The following TASP1 variants were observed in gnomAD, a reference collection of about 807,000 sequenced individuals.
The protein encoded by TASP1 is threonine aspartase 1.
A neutral mutation model predicts 56.6 loss-of-function variants in TASP1; 16 were observed. The ratio of observed to expected loss-of-function variants is 0.28; its 90% CI spans 0.19 to 0.43. The LOEUF (loss-of-function observed/expected upper bound fraction) is 0.43. Among genes scored for constraint, TASP1 ranks in the 20% least tolerant of loss-of-function variants. TASP1 has a pLI of 1.00. For synonymous variants in TASP1, 179 were observed against 184.2 expected (o/e 0.97, Z 0.23); for missense variants, 393 against 511.6 (o/e 0.77, Z 2.24).
chr20:13,516,980 G>T (rs1489913055), intron 10 of TASP1, among the ~76,000 whole-genome samples: 1 of 151,936 alleles, frequency 6.6e-6, no homozygotes, highest in Non-Finnish European at 1.5e-5. Flanking sequence ...TGAGATTTGG[G>T]GAGAGAAAGG....
At chr20:13,515,667 T>G (rs1357504069) in intron 10 of TASP1, among the ~76,000 whole-genome samples, 4 of 151,852 alleles carry the variant, frequency 2.6e-5, no homozygotes, top group Non-Finnish European at 4.4e-5. Context: ...CACCTTACAC[T>G]GACAATGTCC....
chr20:13,586,911 A>T (rs1232233464), intron 5 of TASP1, among the ~76,000 whole-genome samples: 1 of 152,170 alleles, frequency 6.6e-6, no homozygotes, highest in African/African-American at 2.4e-5. Context: ...GAAATGAGAA[A>T]GAAAAGATCT....
chr20:13,474,852 A>G (rs2044662470), intron 11 of TASP1, among the ~76,000 whole-genome samples: 2 of 152,084 alleles, frequency 1.3e-5, no homozygotes, highest in Non-Finnish European at 2.9e-5. Context: ...GTGGTAACTC[A>G]CTGTGGTTTT....
At chr20:13,118,287 C>CA in the TASP1 span, among the ~76,000 whole-genome samples, 2 of 150,954 alleles carry the variant, frequency 1.3e-5, no homozygotes, top group Admixed American at 6.6e-5. Flanking sequence ...ATATTCTCTG[C>CA]AAAAAAAATT....
chr20:13,137,953 C>G, the TASP1 span, among the ~76,000 whole-genome samples: 1 of 152,162 alleles, frequency 6.6e-6, no homozygotes, highest in Non-Finnish European at 1.5e-5. Context: ...AGAGCCAAAA[C>G]TTGAGACAAA....
At chr20:13,222,190 G>A in the TASP1 span, among the ~76,000 whole-genome samples, 3 of 152,176 alleles carry the variant, frequency 2.0e-5, no homozygotes, top group Non-Finnish European at 2.9e-5. Context: ...GAGGTGGGAA[G>A]GAGCGAGGTT....
chr20:13,312,600 T>C, the TASP1 span, among the ~76,000 whole-genome samples: 1 of 152,166 alleles, frequency 6.6e-6, no homozygotes, highest in Non-Finnish European at 1.5e-5. Context: ...GCCTGCTGAA[T>C]CACACCTTCC....
chr20:13,259,280 C>CAAA, the TASP1 span, among the ~76,000 whole-genome samples: 1 of 116,620 alleles, frequency 8.6e-6, no homozygotes, highest in African/African-American at 3.3e-5. Context: ...GACTCTGTCT[C>CAAA]AAAAAAAAAA....
chr20:13,255,876 A>G, the TASP1 span, among the ~76,000 whole-genome samples: 2,096 of 151,546 alleles, frequency 0.014, 35 homozygotes, highest in African/African-American at 0.036. Context: ...CATTCAGCCC[A>G]CCAACCAGCC....
intron 10 of TASP1, among the ~76,000 whole-genome samples, chr20:13,500,671 A>G (rs1366005399): frequency 6.6e-6 from 1 of 152,066 alleles, no homozygotes; most frequent in Non-Finnish European, 1.5e-5. Context: ...AAGACAGCAA[A>G]CAAAAGGATC....
chr20:13,399,003 T>C (rs897487570), intron 13 of TASP1, among the ~76,000 whole-genome samples: 3 of 152,208 alleles, frequency 2.0e-5, no homozygotes, highest in Admixed American at 6.5e-5. Flanking sequence ...AAATAAGAAA[T>C]GACTTCCAAT....
At chr20:13,112,776 G>A in the TASP1 span, among the ~76,000 whole-genome samples, 45 of 152,134 alleles carry the variant, frequency 3.0e-4, no homozygotes, top group Non-Finnish European at 5.6e-4. Context: ...CGCTCTTGGG[G>A]GCTTCAATTT....
intron 4 of TASP1, among the ~76,000 whole-genome samples, chr20:13,622,120 C>T (rs576986552): frequency 6.6e-6 from 1 of 152,210 alleles, no homozygotes; most frequent in African/African-American, 2.4e-5. Flanking sequence ...TTCCAAAGCA[C>T]CTCATAACTG....
intron 5 of TASP1, among the ~76,000 whole-genome samples, chr20:13,584,765 CA>C: frequency 6.6e-6 from 1 of 152,074 alleles, no homozygotes; most frequent in African/African-American, 2.4e-5. Flanking sequence ...TAGAAATCAA[CA>C]AAGAAAGCTA....
chr20:13,407,606 C>G (rs78423213), intron 13 of TASP1, among the ~76,000 whole-genome samples: 2,493 of 152,232 alleles, frequency 0.016, 57 homozygotes, highest in African/African-American at 0.058. Context: ...AATGGAATTG[C>G]TGGGTCACAT....
chr20:13,322,482 T>C, the TASP1 span, among the ~76,000 whole-genome samples: 214 of 152,322 alleles, frequency 1.4e-3, no homozygotes, highest in African/African-American at 4.9e-3. Flanking sequence ...TCAGTTTCCT[T>C]TGATGCCCTG....
At chr20:13,109,554 A>G in the TASP1 span, among the ~76,000 whole-genome samples, 570 of 152,330 alleles carry the variant, frequency 3.7e-3, 4 homozygotes, top group Middle Eastern at 0.01. Flanking sequence ...GGGCTCAATA[A>G]CTGTGAGCTA....
rs557626377 is a variant in TASP1 at position 13,426,612 on chromosome 20, C to T, written c.1096+8432G>A. Among the ~76,000 whole-genome samples, 6 of 152,238 alleles carry T rather than the reference C, an allele frequency of 3.9e-5. No homozygotes were observed. The South Asian group carries it at 1.2e-3, about 32-fold the overall frequency. Reference sequence around the variant, plus strand: ...TAAACAAAGTGTCAGATTATAGATACTTGCAATCAATATCTTTGTATTATA... The same window carrying T: ...TAAACAAAGTGTCAGATTATAGATATTTGCAATCAATATCTTTGTATTATA... On this transcript the variant is annotated intron_variant, in intron 12 of 13. Transcript: ENST00000337743.
intron 10 of TASP1, among the ~76,000 whole-genome samples, chr20:13,518,800 CA>C (rs1364401660): frequency 6.6e-6 from 1 of 152,078 alleles, no homozygotes; most frequent in Non-Finnish European, 1.5e-5. Context: ...ATAGAACCAC[CA>C]TTTGACCCAG....
Sources: allele counts gnomAD v4.1 joint callset (sites outside exome capture counted in the v4.1 genomes callset), GRCh38; gene constraint gnomAD v4.1.1; transcripts MANE v1.5; gene names NCBI Gene and HGNC (gene_info 2026-07-23, HGNC 2026-07-21).